The following IQGAP2 variants were observed in gnomAD, a reference collection of about 807,000 sequenced individuals.
IQGAP2 encodes the protein IQ motif containing GTPase activating protein 2.
A neutral mutation model predicts 201.3 loss-of-function variants in IQGAP2; 173 were observed. The ratio of observed to expected loss-of-function variants is 0.86; its 90% CI spans 0.76 to 0.98. The LOEUF is 0.98. IQGAP2 is among the 50% of genes least tolerant of loss of function. The pLI is 0.00. For synonymous variants in IQGAP2, 675 were observed against 673.9 expected, an observed-to-expected ratio of 1.00 and a Z score of -0.03; for missense variants, 1,687 against 1,864.8, an observed-to-expected ratio of 0.90 and a Z score of 1.76.
chr5:76,573,369 A>G (rs1356441026), intron 4 of IQGAP2, among the ~76,000 whole-genome samples: 4 of 152,332 alleles, frequency 2.6e-5, no homozygotes, highest in African/African-American at 9.6e-5. Flanking sequence ...TTTAACTTGT[A>G]TTCCTTCATT....
chr5:76,606,304 G>GTT lies in IQGAP2; in HGVS notation c.1357+2_1357+3insTT, dbSNP rs748957093. ...GCTCAAATTCAAGAAGAAAATGACCGTAAGTATAAGACACTTTCCTTCTCT... is the reference window on the plus strand; with the variant it reads ...GCTCAAATTCAAGAAGAAAATGACCGTTTAAGTATAAGACACTTTCCTTCTCT... On this transcript the variant is annotated splice_donor_variant, in intron 12 of 35. Coordinates refer to ENST00000274364, the MANE Select transcript of IQGAP2 (RefSeq NM_006633.5). LOFTEE classifies it high-confidence loss of function. The GTT allele has an allele frequency of 1.3e-5, 20 of 1,593,394 alleles. No individual in the cohort carries two copies. The highest frequency in any genetic ancestry group is 1.7e-5 in the Non-Finnish European group (20 of 1,170,188).
chr5:76,614,266 C>T (rs1748691542), intron 13 of IQGAP2, among the ~76,000 whole-genome samples: 1 of 152,178 alleles, frequency 6.6e-6, no homozygotes, highest in African/African-American at 2.4e-5. Flanking sequence ...AGCTCTGTGT[C>T]AGGCATCCTT....
rs112529803 is a variant in IQGAP2 at position 76,535,500 on chromosome 5, G to T, written c.147-26896G>T. 4.4e-3 allele frequency among the ~76,000 whole-genome samples: 663 copies of T among 152,276 alleles called. 7 individuals carry two copies. Among genetic ancestry groups the T allele is most frequent in the African/African-American group, 0.015 (638 of 41,558 alleles). On this transcript the variant is annotated intron_variant, in intron 2 of 35. Transcript: ENST00000274364. The stretch of plus-strand genomic sequence containing the variant: ...GCCAAATGAAACCGTGGGACCTCTT[G>T]TGCAAAAATAAAATAATTTCAAGAT...
intron 3 of IQGAP2, among the ~76,000 whole-genome samples, chr5:76,564,260 T>C (rs1415626217): frequency 2.0e-5 from 3 of 152,202 alleles, no homozygotes; most frequent in African/African-American, 7.2e-5. Flanking sequence ...TAAATATTAG[T>C]CCACATTTTA....
intron 20 of IQGAP2, 119 bp from the exon 21 acceptor site, chr5:76,658,340 C>T: frequency 1.2e-6 from 1 of 832,054 alleles, no homozygotes; most frequent in South Asian, 1.5e-5. Context: ...GATTCTCACC[C>T]TAGACCAAGT....
intron 17 of IQGAP2, among the ~76,000 whole-genome samples, chr5:76,644,148 C>T (rs1019728553): frequency 1.1e-4 from 16 of 152,012 alleles, no homozygotes; most frequent in African/African-American, 3.6e-4. Context: ...GAGGTCTAAG[C>T]GTTTTGACAG....
chr5:76,574,923 C>T (rs750033404), intron 4 of IQGAP2, among the ~76,000 whole-genome samples: 7 of 152,110 alleles, frequency 4.6e-5, no homozygotes, highest in African/African-American at 4.8e-5. Flanking sequence ...AAAATATAAA[C>T]GAATCATATA....
intron 22 of IQGAP2, among the ~76,000 whole-genome samples, chr5:76,665,684 A>G (rs1176689398): frequency 6.6e-6 from 1 of 152,168 alleles, no homozygotes; most frequent in East Asian, 1.9e-4. Context: ...TTTTTCTTGT[A>G]TTATTTTCAT....
At chr5:76,649,882 C>T (rs1463640964) in intron 17 of IQGAP2, among the ~76,000 whole-genome samples, 1 of 152,214 alleles carries the variant, frequency 6.6e-6, no homozygotes, top group Non-Finnish European at 1.5e-5. Context: ...TAGGCAGAGG[C>T]TCCCAAACCT....
chr5:76,599,998 T>C (rs1439831475), intron 10 of IQGAP2, among the ~76,000 whole-genome samples: 1 of 152,028 alleles, frequency 6.6e-6, no homozygotes, highest in African/African-American at 2.4e-5. Flanking sequence ...AACCTGGAGA[T>C]CTGGCCAGGT....
At chr5:76,694,697 T>G (rs1364755041) in intron 31 of IQGAP2, among the ~76,000 whole-genome samples, 1 of 152,238 alleles carries the variant, frequency 6.6e-6, no homozygotes, top group Non-Finnish European at 1.5e-5. Context: ...GTTCCAATAA[T>G]ATTGACCTAC....
At chr5:76,502,381 C>T (rs933426864) in intron 2 of IQGAP2, among the ~76,000 whole-genome samples, 1 of 152,180 alleles carries the variant, frequency 6.6e-6, no homozygotes, top group Non-Finnish European at 1.5e-5. Context: ...TCAGCTTTGC[C>T]ACAGTGTTTT....
At chr5:76,699,568 C>T (rs1042809459) in intron 33 of IQGAP2, 1 of 146,208 alleles carries the variant, frequency 6.8e-6, no homozygotes, top group African/African-American at 2.6e-5. Flanking sequence ...CCCACTAGTC[C>T]TGAATTTTAG....
intron 10 of IQGAP2, 80 bp from the exon 11 acceptor site, chr5:76,600,732 G>A (rs1289800584): frequency 3.3e-6 from 5 of 1,500,354 alleles, no homozygotes; most frequent in African/African-American, 1.4e-5. Flanking sequence ...GTTGTTTGTT[G>A]AAATGTGCAT....
At chr5:76,500,818 G>A (rs943548600) in intron 2 of IQGAP2, among the ~76,000 whole-genome samples, 10 of 152,158 alleles carry the variant, frequency 6.6e-5, no homozygotes, top group South Asian at 2.1e-4. Context: ...TAGCCTTTCC[G>A]GTACCGTGCC....
intron 1 of IQGAP2, among the ~76,000 whole-genome samples, chr5:76,429,584 ATATATATATATATGTATATT>A (rs1472991290): frequency 8.0e-6 from 1 of 125,134 alleles, no homozygotes; most frequent in Non-Finnish European, 1.8e-5. Context: ...AAAAAAATTT[ATATATATATATATGTATATT>A]TATATATATA....
chr5:76,529,810 T>C (rs931277691), intron 2 of IQGAP2, among the ~76,000 whole-genome samples: 2 of 152,140 alleles, frequency 1.3e-5, no homozygotes, highest in African/African-American at 4.8e-5. Context: ...CTTAGAATTA[T>C]GTATTTATCA....
At position 76,654,271 on chromosome 5, in the gene IQGAP2, T is replaced by G; in HGVS notation, c.2250T>G (p.His750Gln). The G allele has an allele frequency of 6.3e-7, 1 of 1,597,390 alleles. No individual in the cohort carries two copies. Among genetic ancestry groups the G allele is most frequent in the Non-Finnish European group, 8.5e-7 (1 of 1,169,848 alleles). Residue 750 changes from histidine to glutamine, a missense_variant and splice_region_variant, in exon 19 of 36, where the codon CAT becomes CAG. Physicochemically the swap from His to Gln is conservative, Grantham distance 24. Coordinates refer to ENST00000274364, the MANE Select transcript of IQGAP2 (RefSeq NM_006633.5). ...YLSRLQYFRDHNNEIVKIQSL... is the reference protein window; with the variant it reads ...YLSRLQYFRDQNNEIVKIQSL... ...CAAGACTACAGTATTTCAGAGATCA[T>G]GTAAGAAAAATGCCTGTGGGATTTT... is the stretch of plus-strand genomic sequence containing the variant.
intron 2 of IQGAP2, among the ~76,000 whole-genome samples, chr5:76,501,638 C>CTTTTATTTT (rs1432659462): frequency 1.0e-3 from 26 of 25,000 alleles, no homozygotes; most frequent in African/African-American, 2.4e-4. Flanking sequence ...TTTCTTTTTC[C>CTTTTATTTT]TTTTCTTTTT....
Sources: gnomAD v4.1 joint callset for allele counts (sites outside exome capture counted in the v4.1 genomes callset) on GRCh38, gnomAD v4.1.1 for gene constraint, MANE v1.5 for transcripts, NCBI Gene and HGNC (gene_info 2026-07-23, HGNC 2026-07-21) for gene names.